Variants in RBM6 observed in about 807,000 individuals in gnomAD.
The protein encoded by RBM6 is RNA-binding protein 6.
In RBM6, 23 loss-of-function variants were observed where a neutral mutation model predicts 140.4. That is an observed-to-expected ratio of 0.16 (90% confidence interval 0.12 to 0.23). The LOEUF is 0.23. Ranked by LOEUF, RBM6 falls within the 10% of genes least tolerant of loss-of-function variation. The probability of loss-of-function intolerance (pLI) is 1.00; values close to 1 mark genes in which losing one functional copy is unlikely to be tolerated. For synonymous variants in RBM6, 439 were observed against 475.6 expected (o/e 0.92, Z 1.00); for missense variants, 1,139 against 1,386.7 (o/e 0.82, Z 2.84).
intron 5 of RBM6, among the ~76,000 whole-genome samples, chr3:49,984,611 A>ACATCGCATCG (rs72219946): frequency 5.4e-3 from 461 of 86,144 alleles, no homozygotes; most frequent in Middle Eastern, 0.016. Context: ...ACATCACATC[A>ACATCGCATCG]CATCGCATCG....
chr3:49,967,604 A>G lies in RBM6; in HGVS notation c.179A>G (p.His60Arg). The change falls in exon 3 of 21, where the codon CAT becomes CGT. Residue 60 changes from histidine (H) to arginine (R), a missense_variant. Physicochemically the swap from His to Arg is conservative, Grantham distance 29. Coordinates refer to ENST00000266022, the MANE Select transcript of RBM6 (RefSeq NM_005777.3). The surrounding 1 kb of genome is among the most constrained non-coding windows in gnomAD (Gnocchi z 4.0). ...RDSLPFDFQGHSGPPFANVEE... is the reference protein window; with the variant it reads ...RDSLPFDFQGRSGPPFANVEE... The stretch of plus-strand genomic sequence containing the variant: ...TCACTTCCCTTTGATTTCCAGGGGC[A>G]TTCGGGGCCTCCTTTTGCAAATGTA... 6.2e-7 allele frequency: 1 copy of G among 1,614,162 alleles called. No individual in the cohort carries two copies. Among genetic ancestry groups the G allele is most frequent in the Non-Finnish European group, 8.5e-7 (1 of 1,180,030 alleles).
At chr3:50,003,145 A>G (rs1323439974) in intron 6 of RBM6, among the ~76,000 whole-genome samples, 1 of 151,804 alleles carries the variant, frequency 6.6e-6, no homozygotes. Flanking sequence ...TAAATAAATA[A>G]ATAAATAAAA....
At chr3:49,974,071 G>A (rs999717028) in intron 4 of RBM6, among the ~76,000 whole-genome samples, 28 of 151,728 alleles carry the variant, frequency 1.8e-4, no homozygotes, top group Non-Finnish European at 2.4e-4. Flanking sequence ...CTAAGTTTTT[G>A]TATTTTTAGT....
intron 4 of RBM6, among the ~76,000 whole-genome samples, chr3:49,974,337 G>C (rs1305708498): frequency 6.6e-6 from 1 of 151,674 alleles, no homozygotes; most frequent in Admixed American, 6.6e-5. Flanking sequence ...CTCCCGAGTA[G>C]CTGGGATTAT....
chr3:49,959,718 C>T (rs1332104216), intron 1 of RBM6, among the ~76,000 whole-genome samples: 2 of 151,502 alleles, frequency 1.3e-5, no homozygotes, highest in African/African-American at 2.4e-5. Flanking sequence ...CTACAGGTGC[C>T]CGCCACTACG....
intron 7 of RBM6, among the ~76,000 whole-genome samples, chr3:50,052,983 A>AGG (rs1328494082): frequency 1.9e-5 from 2 of 104,114 alleles, no homozygotes; most frequent in African/African-American, 3.6e-5. Context: ...GGCAGTGGGC[A>AGG]GGGGTGTGTG....
intron 6 of RBM6, among the ~76,000 whole-genome samples, chr3:50,016,243 A>G (rs2087139698): frequency 1.3e-5 from 2 of 152,088 alleles, no homozygotes; most frequent in South Asian, 4.2e-4. Context: ...AGTGTCCTTC[A>G]TGTTTTTCCA....
rs928739335 is a variant in RBM6 at position 49,969,341 on chromosome 3, T to C, written c.1323+593T>C. Among the ~76,000 whole-genome samples the C allele has an allele frequency of 3.2e-4, 48 of 149,296 alleles. No individual in the cohort carries two copies. In the East Asian group the frequency reaches 6.3e-3, roughly 19 times the overall value. On this transcript the variant is annotated intron_variant, in intron 3 of 20. Transcript: ENST00000266022. ...CCTGGCCAGTTTTTTTTTTTTTTTT[T>C]CATTTTATTTTTATCTTTGCATAAC... is the stretch of plus-strand genomic sequence containing the variant.
intron 19 of RBM6, among the ~76,000 whole-genome samples, chr3:50,072,710 G>T (rs1423830047): frequency 1.3e-5 from 2 of 152,150 alleles, no homozygotes; most frequent in East Asian, 3.8e-4. Flanking sequence ...TTTATGAGTT[G>T]TTACAGTGGG....
intron 6 of RBM6, among the ~76,000 whole-genome samples, chr3:50,031,705 A>G (rs2088176382): frequency 6.6e-6 from 1 of 152,136 alleles, no homozygotes. Flanking sequence ...ATTGTGCACC[A>G]TGTACCCTAG....
At position 49,967,451 on chromosome 3, in the gene RBM6, A is replaced by T; in HGVS notation, c.45-19A>T. On this transcript the variant is annotated intron_variant, in intron 2 of 20. Coordinates refer to ENST00000266022, the MANE Select transcript of RBM6 (RefSeq NM_005777.3). The surrounding 1 kb of genome is among the most constrained non-coding windows in gnomAD (Gnocchi z 4.0). Reference sequence around the variant, plus strand: ...AAACTCTCTGGACAATATGAATAACACTGTCTTTGTTTCTACAGTGGGAGC... The same window carrying T: ...AAACTCTCTGGACAATATGAATAACTCTGTCTTTGTTTCTACAGTGGGAGC... 1 of 1,607,350 alleles carries T rather than the reference A, an allele frequency of 6.2e-7. No homozygotes were observed. Among genetic ancestry groups the T allele is most frequent in the South Asian group, 1.1e-5 (1 of 90,460 alleles).
intron 4 of RBM6, among the ~76,000 whole-genome samples, chr3:49,973,042 G>C (rs187143467): frequency 6.6e-6 from 1 of 152,268 alleles, no homozygotes; most frequent in Non-Finnish European, 1.5e-5. Context: ...CATTGGTCAG[G>C]CTGGTCTTGA....
rs548988569 is a variant in RBM6, at chr3:49,978,005, A to T, written c.1483+2613A>T. ...TCTTAGTAGTAACAGTGACTTAAAA[A>T]TTTTTTTTTATAAGAGAAAGGGTCT... On this transcript the variant is annotated intron_variant, in intron 5 of 20. Transcript: ENST00000266022. Among the ~76,000 whole-genome samples, 389 of 151,828 alleles carry T rather than the reference A, an allele frequency of 2.6e-3. 3 individuals are homozygous for T. Among genetic ancestry groups the T allele is most frequent in the Middle Eastern group, 3.4e-3 (1 of 294 alleles).
At chr3:49,974,608 G>T (rs1275922921) in intron 4 of RBM6, among the ~76,000 whole-genome samples, 1 of 146,630 alleles carries the variant, frequency 6.8e-6, no homozygotes, top group Admixed American at 7.0e-5. Context: ...TCCTGACCTT[G>T]TGATCTGCCC....
intron 3 of RBM6, among the ~76,000 whole-genome samples, chr3:49,970,870 C>T (rs1221634343): frequency 6.6e-6 from 1 of 152,086 alleles, no homozygotes; most frequent in African/African-American, 2.4e-5. Context: ...TGGCTCATGC[C>T]TGTAATCCCA....
intron 2 of RBM6, among the ~76,000 whole-genome samples, chr3:49,963,372 T>C (rs1202216160): frequency 6.6e-6 from 1 of 152,078 alleles, no homozygotes; most frequent in African/African-American, 2.4e-5. Flanking sequence ...TAGCTGGGAT[T>C]ACAGGCGCGT....
Position 49,972,104 on chromosome 3 carries a change from C to A in RBM6, c.1369C>A (p.Leu457Ile), listed in dbSNP as rs1206170619. 3 of 1,613,272 alleles carry A rather than the reference C, an allele frequency of 1.9e-6. No individual in the cohort carries two copies. In the African/African-American group the frequency reaches 4.0e-5, roughly 22 times the overall value. The change falls in exon 4 of 21, where the codon CTT becomes ATT. Residue 457 changes from leucine to isoleucine, a missense_variant. Physicochemically the swap from Leu to Ile is conservative, Grantham distance 5. Around this residue, in one of 9 missense-constraint regions of RBM6, gnomAD observed 566 missense variants for 612.7 expected, o/e 0.92. Coordinates refer to ENST00000266022, the MANE Select transcript of RBM6 (RefSeq NM_005777.3). ...CCCAAGTGAGGAGAAACCCAGCAGG[C>A]TTATTCGATTAAGTGGGGTACCTGA... ...TGPSEEKPSR[L>I]IRLSGVPEDA...
At chr3:49,974,453 G>T (rs890488310) in intron 4 of RBM6, among the ~76,000 whole-genome samples, 1 of 148,218 alleles carries the variant, frequency 6.7e-6, no homozygotes, top group Non-Finnish European at 1.5e-5. Flanking sequence ...CTCACTGCAA[G>T]CTCCTTCTCC....
At chr3:49,995,204 G>A (rs940383103) in intron 5 of RBM6, among the ~76,000 whole-genome samples, 9 of 152,088 alleles carry the variant, frequency 5.9e-5, no homozygotes, top group East Asian at 1.9e-4. Context: ...TAGAGAAGAC[G>A]TGAAATTTGT....
Sources: gnomAD v4.1 joint callset for allele counts (sites outside exome capture counted in the v4.1 genomes callset) on GRCh38, gnomAD v4.1.1 for gene constraint, gnomAD v4.1.1 regional missense constraint, Gnocchi (gnomAD v3.1) non-coding constraint, MANE v1.5 for transcripts, NCBI Gene and HGNC (gene_info 2026-07-23, HGNC 2026-07-21) for gene names.